BICRA: variants seen among roughly 807,000 people sequenced by gnomAD.
BICRA encodes BRD4-interacting chromatin-remodeling complex-associated protein.
A neutral mutation model predicts 96.9 loss-of-function variants in BICRA; 31 were observed. The observed-to-expected ratio is 0.32, with a 90% CI of 0.24 to 0.43. BICRA has a LOEUF of 0.43. Among genes scored for constraint, BICRA ranks in the 20% least tolerant of loss-of-function variants. BICRA has a pLI of 1.00. For missense variants in BICRA, 2,283 were observed against 2,190.3 expected, an observed-to-expected ratio of 1.04 and a Z score of -0.84; for synonymous variants, 1,350 against 1,071.8, an observed-to-expected ratio of 1.26 and a Z score of -5.07.
At chr19:47,697,018 G>GT (rs1555791368) in intron 11 of BICRA, among the ~76,000 whole-genome samples, 1 of 150,518 alleles carries the variant, frequency 6.6e-6, no homozygotes, top group Non-Finnish European at 1.5e-5. Flanking sequence ...TTTAGGGGGG[G>GT]TTCTTTGAGC....
chr19:47,684,520 A>G (rs1973116107), intron 7 of BICRA, among the ~76,000 whole-genome samples: 1 of 152,166 alleles, frequency 6.6e-6, no homozygotes, highest in Admixed American at 6.5e-5. Flanking sequence ...GGGTTTCGCC[A>G]TGTTGGCCAG....
rs56688553 is a variant in BICRA at position 47,614,825 on chromosome 19, G to C, written c.-108+5657G>C. On this transcript the variant is annotated intron_variant, in intron 1 of 14. Coordinates refer to ENST00000594866, the MANE Select transcript of BICRA (RefSeq NM_001394372.1). ...TTATGGACGTGGAGGTGTTTCCAAA[G>C]GTTTCTGTGTGAAGCATGGGAAGGC... 7.0e-3 allele frequency among the ~76,000 whole-genome samples: 1,068 copies of C among 152,216 alleles called. 20 individuals carry two copies. The highest frequency in any genetic ancestry group is 0.024 in the African/African-American group (997 of 41,532).
chr19:47,610,715 G>A (rs554651805), intron 1 of BICRA, among the ~76,000 whole-genome samples: 1 of 151,808 alleles, frequency 6.6e-6, no homozygotes, highest in East Asian at 1.9e-4. Flanking sequence ...AGGGAAACTA[G>A]AAACATCCAA....
chr19:47,647,220 T>C (rs1395699993), intron 1 of BICRA, among the ~76,000 whole-genome samples: 2 of 152,134 alleles, frequency 1.3e-5, no homozygotes, highest in Non-Finnish European at 2.9e-5. Flanking sequence ...TTTTCCAGTT[T>C]GCACTGTTCT....
At chr19:47,685,786 T>C (rs2059878) in intron 7 of BICRA, among the ~76,000 whole-genome samples, 11,683 of 117,632 alleles carry the variant, frequency 0.099, 581 homozygotes, top group Middle Eastern at 0.16. Context: ...TGTGTGTGTG[T>C]GCGCGCGCGC....
chr19:47,644,656 A>G (rs1019698792), intron 1 of BICRA, among the ~76,000 whole-genome samples: 1 of 151,894 alleles, frequency 6.6e-6, no homozygotes, highest in Non-Finnish European at 1.5e-5. Flanking sequence ...GCCCGCCACT[A>G]TGCCCAGATA....
At chr19:47,694,867 TC>T in intron 8 of BICRA, 32 bp from the exon 9 acceptor site, 1 of 1,461,684 alleles carries the variant, frequency 6.8e-7, no homozygotes, top group Non-Finnish European at 9.1e-7. Flanking sequence ...TAGCCTATGT[TC>T]CCCACCCCTC....
intron 1 of BICRA, among the ~76,000 whole-genome samples, chr19:47,637,124 A>AT (rs1261661694): frequency 1.3e-5 from 2 of 151,538 alleles, no homozygotes; most frequent in East Asian, 1.9e-4. Context: ...ATTTTATTTT[A>AT]TTTATTTATT....
rs554751191 is a variant in BICRA, at chr19:47,679,806, G to T, written c.636G>T (p.Pro212=). Residue 212 remains proline, a synonymous_variant, in exon 6 of 15, where the codon CCG becomes CCT. Coordinates refer to ENST00000594866, the MANE Select transcript of BICRA (RefSeq NM_001394372.1). ...GCAATGTGACACTGCAGCCCATCCC[G>T]GGCCTCCAAGGCCTGCCCAATGGCA... ...GLGNVTLQPI[P]GLQGLPNGSP... The T allele has an allele frequency of 6.7e-7, 1 of 1,486,180 alleles. No homozygotes were observed. The highest frequency in any genetic ancestry group is 8.9e-7 in the Non-Finnish European group (1 of 1,120,400). 92.1% of individuals were successfully genotyped at this position (1,486,180 alleles called of 1,614,324 possible).
At chr19:47,648,304 G>A (rs1038198656) in intron 1 of BICRA, among the ~76,000 whole-genome samples, 37 of 151,894 alleles carry the variant, frequency 2.4e-4, no homozygotes, top group Non-Finnish European at 4.7e-4. Flanking sequence ...TGGTCGGCCT[G>A]TGGATGTGTC....
At position 47,681,230 on chromosome 19, in the gene BICRA, C is replaced by T; in HGVS notation, c.2060C>T (p.Pro687Leu). ...IVLGQPPSATPTAILTQDSLQ... is the reference protein window; with the variant it reads ...IVLGQPPSATLTAILTQDSLQ... ...CTGGGGCAGCCGCCCTCTGCCACCC[C>T]CACGGCCATCCTCACTCAGGACTCC... Residue 687 changes from proline to leucine, a missense_variant, in exon 6 of 15, where the codon CCC (proline) becomes CTC (leucine). Coordinates refer to ENST00000594866, the MANE Select transcript of BICRA (RefSeq NM_001394372.1). The T allele has an allele frequency of 6.5e-7, 1 of 1,537,058 alleles. No homozygotes were observed. The highest frequency in any genetic ancestry group is 8.7e-7 in the Non-Finnish European group (1 of 1,147,228).
chr19:47,682,045 G>A lies in BICRA; in HGVS notation c.2176G>A (p.Ala726Thr), dbSNP rs1212614609. Residue 726 changes from alanine to threonine, a missense_variant, in exon 7 of 15, where the codon GCC becomes ACC. Ala to Thr is a moderately conservative substitution (Grantham distance 58). Transcript: ENST00000594866. Reference protein sequence around the residue: ...LSVPASVIVSAPPPAQDPAPA... With the variant: ...LSVPASVIVSTPPPAQDPAPA... ...CGTGCCTGCCTCGGTCATAGTCAGC[G>A]CCCCGCCTCCCGCCCAAGACCCAGC... 11 of 1,555,538 alleles carry A rather than the reference G, an allele frequency of 7.1e-6. No homozygotes were observed. Among genetic ancestry groups the A allele is most frequent in the African/African-American group, 1.4e-5 (1 of 73,536 alleles).
chr19:47,617,223 C>G (rs1168959754), intron 1 of BICRA, among the ~76,000 whole-genome samples: 1 of 152,144 alleles, frequency 6.6e-6, no homozygotes, highest in Admixed American at 6.5e-5. Context: ...AGTCCTCCGA[C>G]TTTGGCCTCC....
intron 1 of BICRA, among the ~76,000 whole-genome samples, chr19:47,628,117 G>A (rs1419222132): frequency 6.6e-6 from 1 of 152,148 alleles, no homozygotes; most frequent in Non-Finnish European, 1.5e-5. Context: ...ACTGGCACAT[G>A]ACAACATGAC....
At position 47,695,425 on chromosome 19, in the gene BICRA, A is replaced by G. The variant is rs1180054039; in HGVS notation, c.3137A>G (p.Asn1046Ser). The part of the protein sequence containing the change: ...KAFASNLPTL[N>S]VAKAASSGPG... The stretch of plus-strand genomic sequence containing the variant: ...TTTGCCAGCAACCTCCCGACCCTGA[A>G]TGTGGCCAAGGCCGCTTCCTCCGGG... The change falls in exon 10 of 15, where the codon AAT (asparagine) becomes AGT (serine). Residue 1046 changes from asparagine (N) to serine (S), a missense_variant. Asn to Ser is a conservative substitution (Grantham distance 46, BLOSUM62 1). Coordinates refer to ENST00000594866, the MANE Select transcript of BICRA (RefSeq NM_001394372.1). The G allele has an allele frequency of 3.9e-6, 6 of 1,557,296 alleles. No individual in the cohort carries two copies. In the Admixed American group the frequency reaches 1.1e-4, roughly 27 times the overall value.
At chr19:47,650,662 T>G (rs763252060) in intron 1 of BICRA, among the ~76,000 whole-genome samples, 47 of 152,210 alleles carry the variant, frequency 3.1e-4, no homozygotes, top group Non-Finnish European at 5.7e-4. Context: ...TGCCCATAGC[T>G]GCCACTTCAG....
chr19:47,687,243 A>G (rs1973173295), intron 7 of BICRA, among the ~76,000 whole-genome samples: 1 of 152,314 alleles, frequency 6.6e-6, no homozygotes, highest in Admixed American at 6.5e-5. Flanking sequence ...GAGTGTTCCA[A>G]TAAAACTTTA....
intron 1 of BICRA, among the ~76,000 whole-genome samples, chr19:47,611,270 A>ATT (rs375816707): frequency 1.3e-5 from 2 of 150,382 alleles, no homozygotes; most frequent in African/African-American, 4.9e-5. Flanking sequence ...AAGCGGCCAG[A>ATT]TTTTTTTTTT....
At chr19:47,630,587 A>G (rs1454262763) in intron 1 of BICRA, among the ~76,000 whole-genome samples, 3 of 152,146 alleles carry the variant, frequency 2.0e-5, no homozygotes, top group Admixed American at 6.6e-5. Flanking sequence ...ATGTATCAGA[A>G]TTCTTTTCTT....
Sources: gnomAD v4.1 joint callset for allele counts (sites outside exome capture counted in the v4.1 genomes callset) on GRCh38, gnomAD v4.1.1 for gene constraint, MANE v1.5 for transcripts, NCBI Gene and HGNC (gene_info 2026-07-23, HGNC 2026-07-21) for gene names.